The following ROBO1 variants were observed in gnomAD, a reference collection of about 807,000 sequenced individuals.
ROBO1 encodes roundabout homolog 1.
ROBO1 carries 149 observed loss-of-function variants against 195.9 expected under a neutral mutation model. The ratio of observed to expected loss-of-function variants is 0.76; its 90% CI spans 0.67 to 0.87. The LOEUF is 0.87. ROBO1 is among the 40% of genes least tolerant of loss of function. The probability of loss-of-function intolerance (pLI) is 0.00; values close to 1 mark genes in which losing one functional copy is unlikely to be tolerated. For synonymous variants in ROBO1, 816 were observed against 733.2 expected (o/e 1.11, Z -1.82); for missense variants, 1,933 against 2,068.3 (o/e 0.93, Z 1.27).
At chr3:79,501,677 G>C (rs1940077912) in intron 2 of ROBO1, among the ~76,000 whole-genome samples, 1 of 152,096 alleles carries the variant, frequency 6.6e-6, no homozygotes, top group Non-Finnish European at 1.5e-5. Context: ...TTTTTATCCT[G>C]TACTGATTAA....
chr3:79,460,647 C>T (rs1012273928), intron 2 of ROBO1, among the ~76,000 whole-genome samples: 1 of 152,066 alleles, frequency 6.6e-6, no homozygotes, highest in Non-Finnish European at 1.5e-5. Flanking sequence ...CTTTTATAAC[C>T]CTAATGGGAA....
intron 1 of ROBO1, among the ~76,000 whole-genome samples, chr3:79,710,101 T>C (rs752876173): frequency 6.6e-6 from 1 of 152,050 alleles, no homozygotes; most frequent in Non-Finnish European, 1.5e-5. Context: ...GAAGAAATAA[T>C]TGACAGCACA....
In ROBO1 at chr3:79,220,212, G is replaced by T. The variant is rs1033876051; in HGVS notation, c.89-94673C>A. 2.0e-5 allele frequency among the ~76,000 whole-genome samples: 3 copies of T among 151,942 alleles called. No individual in the cohort carries two copies. The East Asian group carries it at 5.8e-4, about 29-fold the overall frequency. Reference sequence around the variant, plus strand: ...GTATTTATTCTAGATGCTCAATGAAGAATTTATTTTATGAACAAACAAATT... The same window carrying T: ...GTATTTATTCTAGATGCTCAATGAATAATTTATTTTATGAACAAACAAATT... On this transcript the variant is annotated intron_variant, in intron 2 of 30. Transcript: ENST00000464233.
At chr3:79,525,374 T>G (rs1236277272) in intron 2 of ROBO1, among the ~76,000 whole-genome samples, 1 of 149,664 alleles carries the variant, frequency 6.7e-6, no homozygotes, top group South Asian at 2.1e-4. Flanking sequence ...TGATTGTTAT[T>G]GAAAATATTA....
intron 2 of ROBO1, among the ~76,000 whole-genome samples, chr3:79,490,422 A>G (rs975274768): frequency 6.6e-6 from 1 of 152,176 alleles, no homozygotes; most frequent in Non-Finnish European, 1.5e-5. Flanking sequence ...TCCTGGCCTT[A>G]AATCTTCTCT....
chr3:78,912,062 T>C lies in ROBO1; in HGVS notation c.499+26539A>G, dbSNP rs188127429. On this transcript the variant is annotated intron_variant, in intron 4 of 30. Coordinates refer to ENST00000464233, the MANE Select transcript of ROBO1 (RefSeq NM_002941.4). ...AATAACTTCGTAAGTCTGGAGAATA[T>C]GCAACACAGGGAAGAAAGTTCCCTT... Among the ~76,000 whole-genome samples the C allele has an allele frequency of 2.3e-3, 356 of 152,162 alleles. 4 individuals are homozygous for C. Among genetic ancestry groups the C allele is most frequent in the African/African-American group, 8.2e-3 (339 of 41,546 alleles).
intron 1 of ROBO1, among the ~76,000 whole-genome samples, chr3:79,694,962 AT>A (rs1364270877): frequency 6.6e-6 from 1 of 151,612 alleles, no homozygotes; most frequent in Non-Finnish European, 1.5e-5. Context: ...AATAATTATA[AT>A]AAAATATTGA....
At chr3:79,048,033 T>G (rs944296667) in intron 3 of ROBO1, among the ~76,000 whole-genome samples, 1 of 152,144 alleles carries the variant, frequency 6.6e-6, no homozygotes, top group Non-Finnish European at 1.5e-5. Context: ...ACAGCCTTAT[T>G]TCTAAACATT....
intron 2 of ROBO1, among the ~76,000 whole-genome samples, chr3:79,500,144 T>G (rs1939986136): frequency 1.1e-5 from 1 of 92,468 alleles, no homozygotes. Context: ...TTTTTTTTTT[T>G]TTTTGAGAAG....
At chr3:79,270,099 C>T (rs1181759697) in intron 2 of ROBO1, among the ~76,000 whole-genome samples, 2 of 151,032 alleles carry the variant, frequency 1.3e-5, no homozygotes, top group Non-Finnish European at 3.0e-5. Context: ...AGGTTAACAA[C>T]CATCGACTAG....
At chr3:79,044,866 C>T (rs1461155332) in intron 3 of ROBO1, among the ~76,000 whole-genome samples, 6 of 151,746 alleles carry the variant, frequency 4.0e-5, no homozygotes, top group Non-Finnish European at 8.8e-5. Flanking sequence ...TGCCACTTGA[C>T]CCAGGAAATA....
intron 2 of ROBO1, among the ~76,000 whole-genome samples, chr3:79,567,481 G>A (rs1243888227): frequency 6.6e-6 from 1 of 152,180 alleles, no homozygotes; most frequent in Non-Finnish European, 1.5e-5. Flanking sequence ...TTACTCAACA[G>A]AAGCTGAACT....
intron 1 of ROBO1, among the ~76,000 whole-genome samples, chr3:79,711,156 G>A (rs1410943666): frequency 2.6e-5 from 4 of 152,078 alleles, no homozygotes; most frequent in African/African-American, 4.8e-5. Flanking sequence ...TCCTGAAGGG[G>A]CATAGTGGAT....
At chr3:79,638,666 A>G (rs1945568199) in intron 1 of ROBO1, among the ~76,000 whole-genome samples, 1 of 152,210 alleles carries the variant, frequency 6.6e-6, no homozygotes, top group Non-Finnish European at 1.5e-5. Flanking sequence ...GAAGAGTAAA[A>G]GAAGAGAATC....
In ROBO1 at chr3:78,659,696, T is replaced by C. The variant is rs1438909540; in HGVS notation, c.2432A>G (p.Gln811Arg). The C allele has an allele frequency of 1.3e-6, 2 of 1,549,744 alleles. No homozygotes were observed. The highest frequency in any genetic ancestry group is 3.9e-5 in the Admixed American group (2 of 51,124). The stretch of plus-strand genomic sequence containing the variant: ...ATATTATACTCATACCTTATACTCT[T>C]GGACCATTCCATTTTGAGTGTCTTC... ...PPEDTQNGMV[Q>R]EYKVWCLGNE... Residue 811 changes from glutamine to arginine, a missense_variant, in exon 17 of 31, where the codon CAA (glutamine) becomes CGA (arginine). By Grantham distance (43) the Gln-to-Arg change is conservative. Coordinates refer to ENST00000464233, the MANE Select transcript of ROBO1 (RefSeq NM_002941.4).
At position 78,938,728 on chromosome 3, in the gene ROBO1, A is replaced by G. The variant is rs575315994; in HGVS notation, c.372T>C (p.Ser124=). 1.7e-4 allele frequency: 267 copies of G among 1,613,850 alleles called. 2 individuals are homozygous for G. The South Asian group carries it at 2.8e-3, about 17-fold the overall frequency. Residue 124 remains serine, a synonymous_variant, in exon 4 of 31, where the codon AGT becomes AGC. Transcript: ENST00000464233. ...CTATACGTAAGAAAAATAAAGATCCACTCGGCAGCAACATTCGGTGTGAGC... is the reference window on the plus strand; with the variant it reads ...CTATACGTAAGAAAAATAAAGATCCGCTCGGCAGCAACATTCGGTGTGAGC... The part of the protein sequence containing the change: ...DPRSHRMLLP[S]GSLFFLRIVH...
intron 4 of ROBO1, among the ~76,000 whole-genome samples, chr3:78,830,319 C>T (rs1232331315): frequency 6.6e-6 from 1 of 152,186 alleles, no homozygotes; most frequent in Non-Finnish European, 1.5e-5. Flanking sequence ...TACTTCATGA[C>T]TTGAACACAG....
chr3:78,650,236 C>A, intron 19 of ROBO1, among the ~76,000 whole-genome samples: 1 of 152,090 alleles, frequency 6.6e-6, no homozygotes, highest in Non-Finnish European at 1.5e-5. Context: ...ACTTTGTATA[C>A]ATAATGAGCA....
chr3:78,614,973 T>C (rs530346352), intron 27 of ROBO1, among the ~76,000 whole-genome samples, 173 bp from the exon 28 acceptor site: 3 of 152,214 alleles, frequency 2.0e-5, no homozygotes, highest in Non-Finnish European at 4.4e-5. Context: ...GTCACTCTGC[T>C]ATTTACTGGA....
Sources: gnomAD v4.1 joint callset for allele counts (sites outside exome capture counted in the v4.1 genomes callset) on GRCh38, gnomAD v4.1.1 for gene constraint, MANE v1.5 for transcripts, NCBI Gene and HGNC (gene_info 2026-07-23, HGNC 2026-07-21) for gene names.